The following SPAG16 variants were observed in gnomAD, a reference collection of about 807,000 sequenced individuals.
SPAG16 encodes sperm-associated antigen 16 protein.
Under a neutral mutation model 80.4 loss-of-function variants are expected in SPAG16, and 86 were observed. The ratio of observed to expected loss-of-function variants is 1.07; its 90% CI spans 0.90 to 1.28. The LOEUF is 1.28. Among genes scored for constraint, SPAG16 ranks in the 50% most tolerant of loss-of-function variants. The probability of loss-of-function intolerance (pLI) is 0.00; values close to 1 mark genes in which losing one functional copy is unlikely to be tolerated. For synonymous variants in SPAG16, 294 were observed against 265.9 expected (o/e 1.11, Z -1.03); for missense variants, 870 against 765.3 (o/e 1.14, Z -1.61).
chr2:214,100,046 T>A (rs1184595522), intron 13 of SPAG16, among the ~76,000 whole-genome samples: 1 of 151,956 alleles, frequency 6.6e-6, no homozygotes, highest in Non-Finnish European at 1.5e-5. Flanking sequence ...TGGTGGAAGG[T>A]GATTGGATCG....
At chr2:214,335,407 A>G (rs1386071710) in intron 15 of SPAG16, among the ~76,000 whole-genome samples, 1 of 152,024 alleles carries the variant, frequency 6.6e-6, no homozygotes, top group Admixed American at 6.6e-5. Flanking sequence ...AAAAATAACT[A>G]TTTTTATTTA....
chr2:214,357,709 A>G (rs957719522), intron 15 of SPAG16, among the ~76,000 whole-genome samples: 2 of 151,742 alleles, frequency 1.3e-5, no homozygotes, highest in Non-Finnish European at 2.9e-5. Flanking sequence ...GCAGTCCATT[A>G]TTTTTTATAA....
chr2:213,799,904 C>T (rs768478570), intron 10 of SPAG16, among the ~76,000 whole-genome samples: 8 of 149,326 alleles, frequency 5.4e-5, no homozygotes, highest in Non-Finnish European at 1.2e-4. Flanking sequence ...AATAGTGCTG[C>T]GATAAACATG....
intron 10 of SPAG16, among the ~76,000 whole-genome samples, chr2:213,777,749 C>A (rs528997404): frequency 6.6e-6 from 1 of 152,158 alleles, no homozygotes; most frequent in Admixed American, 6.5e-5. Flanking sequence ...GTTGGCCAGG[C>A]TGGTCTTGAA....
intron 5 of SPAG16, among the ~76,000 whole-genome samples, chr2:213,322,258 A>G (rs948179362): frequency 6.9e-6 from 1 of 145,922 alleles, no homozygotes; most frequent in Non-Finnish European, 1.5e-5. Context: ...AGTTTTATTA[A>G]TTAAAACCTT....
In SPAG16 at chr2:213,447,317, C is replaced by A. The variant is rs112816649; in HGVS notation, c.943-42646C>A. Among the ~76,000 whole-genome samples the A allele has an allele frequency of 1.1e-4, 16 of 152,208 alleles. No homozygotes were observed. The East Asian group carries it at 3.1e-3, about 29-fold the overall frequency. ...CCCCACAAGGCCTCATATGATATTC[C>A]CCATTCTGAGCCCAGAACACCCAGA... On this transcript the variant is annotated intron_variant, in intron 9 of 15. Coordinates refer to ENST00000331683, the MANE Select transcript of SPAG16 (RefSeq NM_024532.5).
chr2:213,765,318 G>A (rs13022876), intron 10 of SPAG16, among the ~76,000 whole-genome samples: 30,202 of 151,702 alleles, frequency 0.2, 3,658 homozygotes, highest in South Asian at 0.31. Flanking sequence ...GCAGTGAGCC[G>A]AGATCACACC....
intron 10 of SPAG16, among the ~76,000 whole-genome samples, chr2:213,594,385 G>A (rs2060814474): frequency 6.6e-6 from 1 of 152,130 alleles, no homozygotes; most frequent in African/African-American, 2.4e-5. Context: ...CCTCTGTGAC[G>A]TTAAGTTGGG....
At chr2:213,361,275 G>A (rs988001729) in intron 7 of SPAG16, among the ~76,000 whole-genome samples, 1 of 151,708 alleles carries the variant, frequency 6.6e-6, no homozygotes, top group Non-Finnish European at 1.5e-5. Context: ...AAGAAAAGGT[G>A]AAATAGAATT....
At chr2:213,900,264 G>A (rs1226228406) in intron 11 of SPAG16, among the ~76,000 whole-genome samples, 4 of 152,050 alleles carry the variant, frequency 2.6e-5, no homozygotes, top group African/African-American at 7.2e-5. Context: ...CAAGAATGGC[G>A]TGTCTCCATT....
At chr2:213,767,975 T>C (rs1262501296) in intron 10 of SPAG16, among the ~76,000 whole-genome samples, 1 of 152,168 alleles carries the variant, frequency 6.6e-6, no homozygotes, top group Admixed American at 6.5e-5. Flanking sequence ...GAAATGGCAG[T>C]GTGTCAAAGT....
At chr2:214,040,807 T>G (rs1414455450) in intron 13 of SPAG16, among the ~76,000 whole-genome samples, 1 of 152,192 alleles carries the variant, frequency 6.6e-6, no homozygotes, top group African/African-American at 2.4e-5. Flanking sequence ...TACTTTAACA[T>G]CATTTTGAAC....
intron 15 of SPAG16, among the ~76,000 whole-genome samples, chr2:214,338,652 G>C (rs191131919): frequency 1.3e-4 from 20 of 152,090 alleles, no homozygotes; most frequent in Admixed American, 1.2e-3. Flanking sequence ...TTCTAAATAA[G>C]GATGCTCCAT....
At chr2:214,160,612 T>C (rs1028138425) in intron 15 of SPAG16, among the ~76,000 whole-genome samples, 4 of 152,058 alleles carry the variant, frequency 2.6e-5, no homozygotes, top group Non-Finnish European at 5.9e-5. Context: ...ATGGAAGTTT[T>C]TAAATGTCTT....
chr2:213,888,489 C>T (rs909957883), intron 11 of SPAG16, among the ~76,000 whole-genome samples: 2 of 151,602 alleles, frequency 1.3e-5, no homozygotes, highest in African/African-American at 4.8e-5. Context: ...AATTGTCATA[C>T]ACTCAGTTAT....
intron 10 of SPAG16, among the ~76,000 whole-genome samples, chr2:213,775,951 A>G (rs2069549366): frequency 6.6e-6 from 1 of 152,240 alleles, no homozygotes; most frequent in African/African-American, 2.4e-5. Flanking sequence ...TTAGCTCCAA[A>G]TAGCTATGAT....
intron 10 of SPAG16, among the ~76,000 whole-genome samples, chr2:213,790,499 CT>C (rs756271064): frequency 4.0e-5 from 6 of 151,372 alleles, no homozygotes; most frequent in East Asian, 1.9e-4. Flanking sequence ...GATTATTTTT[CT>C]TTTTTTTGTT....
At chr2:214,272,087 G>C (rs1165085721) in intron 15 of SPAG16, among the ~76,000 whole-genome samples, 2 of 151,926 alleles carry the variant, frequency 1.3e-5, no homozygotes, top group Admixed American at 6.5e-5. Context: ...GTACTTATTG[G>C]TTTCCTTTCA....
intron 14 of SPAG16, among the ~76,000 whole-genome samples, chr2:214,116,980 A>G (rs1252778751): frequency 1.3e-5 from 2 of 152,208 alleles, no homozygotes; most frequent in Non-Finnish European, 2.9e-5. Context: ...AGTAATATTC[A>G]GGGAAATGTT....
Sources: allele counts gnomAD v4.1 joint callset (sites outside exome capture counted in the v4.1 genomes callset), GRCh38; gene constraint gnomAD v4.1.1; transcripts MANE v1.5; gene names NCBI Gene and HGNC (gene_info 2026-07-23, HGNC 2026-07-21).